PTGFRN: variants seen among roughly 807,000 people sequenced by gnomAD.
The protein encoded by PTGFRN is prostaglandin F2 receptor negative regulator.
A neutral mutation model predicts 83.2 loss-of-function variants in PTGFRN; 35 were observed. That is an observed-to-expected ratio of 0.42 (90% CI 0.32 to 0.56). The LOEUF is 0.56. PTGFRN is among the 20% of genes least tolerant of loss of function. The probability of loss-of-function intolerance (pLI) is 0.11; values close to 1 mark genes in which losing one functional copy is unlikely to be tolerated. For missense variants in PTGFRN, 1,051 were observed against 1,179.5 expected, an observed-to-expected ratio of 0.89 and a Z score of 1.60; for synonymous variants, 519 against 498.6, an observed-to-expected ratio of 1.04 and a Z score of -0.55.
intron 1 of PTGFRN, among the ~76,000 whole-genome samples, chr1:116,931,462 A>T (rs1408059236): frequency 1.3e-5 from 2 of 148,740 alleles, no homozygotes; most frequent in African/African-American, 5.0e-5. Context: ...ACATTTGTCT[A>T]GTGTATCTCA....
intron 1 of PTGFRN, among the ~76,000 whole-genome samples, chr1:116,935,429 C>T (rs1030945546): frequency 6.6e-6 from 1 of 152,146 alleles, no homozygotes; most frequent in African/African-American, 2.4e-5. Context: ...TGATTGCTCA[C>T]CACTGCATTC....
chr1:116,940,649 A>G (rs1292322940), intron 1 of PTGFRN, among the ~76,000 whole-genome samples: 1 of 152,156 alleles, frequency 6.6e-6, no homozygotes, highest in Non-Finnish European at 1.5e-5. Context: ...GTAGACTCTC[A>G]CCTAGACATT....
chr1:116,957,400 T>C (rs2101073825), intron 4 of PTGFRN, among the ~76,000 whole-genome samples: 1 of 152,028 alleles, frequency 6.6e-6, no homozygotes, highest in South Asian at 2.1e-4. Context: ...GCTGCCCAGG[T>C]GATTGGCACA....
intron 7 of PTGFRN, among the ~76,000 whole-genome samples, chr1:116,975,591 C>T (rs1001062348): frequency 2.0e-5 from 3 of 152,248 alleles, no homozygotes; most frequent in Admixed American, 6.5e-5. Context: ...ACAACCTCCA[C>T]TGCTGATACC....
chr1:116,971,262 C>T (rs543107049), intron 6 of PTGFRN, among the ~76,000 whole-genome samples: 99 of 152,196 alleles, frequency 6.5e-4, no homozygotes, highest in African/African-American at 2.1e-3. Flanking sequence ...CGTTTAATGA[C>T]TTTACATACT....
At chr1:116,971,934 T>C (rs1651010097) in intron 6 of PTGFRN, among the ~76,000 whole-genome samples, 2 of 152,226 alleles carry the variant, frequency 1.3e-5, no homozygotes, top group African/African-American at 4.8e-5. Context: ...GCCTGAGCAC[T>C]AGAAAAGCCC....
At chr1:116,957,107 C>A (rs1650521445) in intron 4 of PTGFRN, among the ~76,000 whole-genome samples, 1 of 3,002 alleles carries the variant, frequency 3.3e-4, no homozygotes, top group African/African-American at 5.1e-4. Context: ...GGTTTTAACT[C>A]TCTCTCTCTC....
intron 1 of PTGFRN, among the ~76,000 whole-genome samples, chr1:116,922,801 T>C (rs1649570703): frequency 6.6e-6 from 1 of 152,212 alleles, no homozygotes; most frequent in East Asian, 1.9e-4. Flanking sequence ...CAAGTGTTGG[T>C]GACCCCTCTT....
At chr1:116,970,064 C>G (rs534118976) in intron 6 of PTGFRN, among the ~76,000 whole-genome samples, 6 of 152,282 alleles carry the variant, frequency 3.9e-5, no homozygotes, top group African/African-American at 1.4e-4. Flanking sequence ...TTACTTCTCT[C>G]TTCCAAGCTG....
At position 116,918,553 on chromosome 1, in the gene PTGFRN, A is replaced by G. The variant is rs1649463197; in HGVS notation, c.49+8301A>G. ...GGGATTCAAATGCATGCTAAAGTTT[A>G]AGAAGCATGTCTGGAGGAGGTTTGG... On this transcript the variant is annotated intron_variant, in intron 1 of 8. Transcript: ENST00000393203. The surrounding 1 kb of genome is among the most constrained non-coding windows in gnomAD (Gnocchi z 4.1). Among the ~76,000 whole-genome samples, 1 of 152,220 alleles carries G rather than the reference A, an allele frequency of 6.6e-6. No individual in the cohort carries two copies. Among genetic ancestry groups the G allele is most frequent in the Non-Finnish European group, 1.5e-5 (1 of 68,038 alleles).
Position 116,952,100 on chromosome 1 carries a change from C to G in PTGFRN, c.1213+2528C>G, listed in dbSNP as rs1650368731. Among the ~76,000 whole-genome samples the G allele has an allele frequency of 6.6e-6, 1 of 152,148 alleles. No homozygotes were observed. Among genetic ancestry groups the G allele is most frequent in the African/African-American group, 2.4e-5 (1 of 41,422 alleles). On this transcript the variant is annotated intron_variant, in intron 4 of 8. Coordinates refer to ENST00000393203, the MANE Select transcript of PTGFRN (RefSeq NM_020440.4). This position sits in a 1 kb window ranked among gnomAD's most constrained non-coding sequence, Gnocchi z 4.0. ...CTTGACAGATTAAAATGAATAATTACCATTTATTGAGCATCTACTGTGTGC... is the reference window on the plus strand; with the variant it reads ...CTTGACAGATTAAAATGAATAATTAGCATTTATTGAGCATCTACTGTGTGC...
At chr1:116,972,887 T>C (rs530372481) in intron 6 of PTGFRN, among the ~76,000 whole-genome samples, 1 of 152,340 alleles carries the variant, frequency 6.6e-6, no homozygotes, top group Admixed American at 6.5e-5. Context: ...CAGGGAGGCA[T>C]GTAAGACAAA....
chr1:116,950,531 A>C (rs1357010495), intron 4 of PTGFRN, among the ~76,000 whole-genome samples: 3 of 152,208 alleles, frequency 2.0e-5, no homozygotes, highest in Non-Finnish European at 2.9e-5. Flanking sequence ...AAAGGCCAGG[A>C]AACCATTTCC....
At chr1:116,972,898 C>A (rs1651044585) in intron 6 of PTGFRN, among the ~76,000 whole-genome samples, 2 of 152,150 alleles carry the variant, frequency 1.3e-5, no homozygotes, top group South Asian at 4.1e-4. Flanking sequence ...GTAAGACAAA[C>A]CCAGTTTGGG....
intron 7 of PTGFRN, among the ~76,000 whole-genome samples, chr1:116,974,775 C>T (rs368547571): frequency 4.2e-4 from 64 of 152,318 alleles, no homozygotes; most frequent in African/African-American, 1.5e-3. Context: ...GGAACAGCTC[C>T]AGTCTACAGC....
At chr1:116,953,853 CTT>C (rs531278323) in intron 4 of PTGFRN, among the ~76,000 whole-genome samples, 37 of 134,968 alleles carry the variant, frequency 2.7e-4, no homozygotes, top group Non-Finnish European at 3.4e-4. Context: ...ATGAATATTT[CTT>C]TTTTTTTTTT....
intron 7 of PTGFRN, among the ~76,000 whole-genome samples, chr1:116,978,490 C>T (rs1165750945): frequency 3.3e-5 from 5 of 152,076 alleles, no homozygotes; most frequent in Non-Finnish European, 7.4e-5. Context: ...ACTGGCAAAC[C>T]GAATCCAGCA....
At chr1:116,922,007 T>A (rs560586177) in intron 1 of PTGFRN, among the ~76,000 whole-genome samples, 5 of 152,178 alleles carry the variant, frequency 3.3e-5, no homozygotes, top group African/African-American at 4.8e-5. Context: ...ATTAGCTAAC[T>A]TCAGCTGGAA....
At chr1:116,955,731 T>C (rs1194567503) in intron 4 of PTGFRN, among the ~76,000 whole-genome samples, 1 of 152,188 alleles carries the variant, frequency 6.6e-6, no homozygotes, top group African/African-American at 2.4e-5. Flanking sequence ...GCCAGTATGT[T>C]AGTATTTTTT....
Sources: gnomAD v4.1 joint callset for allele counts (sites outside exome capture counted in the v4.1 genomes callset) on GRCh38, gnomAD v4.1.1 for gene constraint, Gnocchi (gnomAD v3.1) non-coding constraint, MANE v1.5 for transcripts, NCBI Gene and HGNC (gene_info 2026-07-23, HGNC 2026-07-21) for gene names.